The following NLGN1 variants were observed in gnomAD, a reference collection of about 807,000 sequenced individuals.
NLGN1 encodes neuroligin 1, also known as neuroligin-1.
Under a neutral mutation model 65.5 loss-of-function variants are expected in NLGN1, and 12 were observed. That is an observed-to-expected ratio of 0.18 (90% CI 0.12 to 0.30). The LOEUF (loss-of-function observed/expected upper bound fraction) is 0.30, where lower values mean the gene tolerates loss of function less well. Among genes scored for constraint, NLGN1 ranks in the 10% least tolerant of loss-of-function variants. The probability of loss-of-function intolerance (pLI) is 1.00; values close to 1 mark genes in which losing one functional copy is unlikely to be tolerated. For synonymous variants in NLGN1, 350 were observed against 359.5 expected, an observed-to-expected ratio of 0.97 and a Z score of 0.30; for missense variants, 750 against 1,007.1, an observed-to-expected ratio of 0.74 and a Z score of 3.46.
At chr3:173,725,496 A>G (rs182849323) in intron 3 of NLGN1, among the ~76,000 whole-genome samples, 39 of 152,326 alleles carry the variant, frequency 2.6e-4, no homozygotes, top group African/African-American at 8.7e-4. Flanking sequence ...GTTAGTTTGT[A>G]TTATTAAAGG....
At chr3:173,589,872 T>A (rs1748168602) in intron 2 of NLGN1, among the ~76,000 whole-genome samples, 1 of 152,266 alleles carries the variant, frequency 6.6e-6, no homozygotes, top group African/African-American at 2.4e-5. Flanking sequence ...GAATTGAAAA[T>A]TGTCATTGCT....
At chr3:174,208,156 A>T (rs370590873) in intron 4 of NLGN1, among the ~76,000 whole-genome samples, 1 of 152,164 alleles carries the variant, frequency 6.6e-6, no homozygotes, top group African/African-American at 2.4e-5. Context: ...TTCCAATTCT[A>T]TGCTTCCTGC....
chr3:174,219,402 A>G (rs1738226014), intron 4 of NLGN1, among the ~76,000 whole-genome samples: 1 of 152,138 alleles, frequency 6.6e-6, no homozygotes, highest in Non-Finnish European at 1.5e-5. Context: ...GTTGTTAGAC[A>G]GTATTCCTCA....
At chr3:174,027,588 A>G (rs976409548) in intron 4 of NLGN1, among the ~76,000 whole-genome samples, 3 of 152,152 alleles carry the variant, frequency 2.0e-5, no homozygotes, top group African/African-American at 7.2e-5. Flanking sequence ...TAATAATGAT[A>G]TATTATTATT....
At chr3:174,264,514 GC>G (rs1310902083) in intron 4 of NLGN1, among the ~76,000 whole-genome samples, 1 of 150,568 alleles carries the variant, frequency 6.6e-6, no homozygotes, top group Non-Finnish European at 1.5e-5. Context: ...TAGTTCTCAA[GC>G]CTTGGTTTTC....
intron 2 of NLGN1, among the ~76,000 whole-genome samples, chr3:173,602,506 G>A (rs995094393): frequency 2.6e-5 from 4 of 152,048 alleles, no homozygotes; most frequent in East Asian, 1.9e-4. Flanking sequence ...TGCAATTTGC[G>A]TTAAAGTAGC....
chr3:173,409,136 A>G (rs1711961962), intron 1 of NLGN1, among the ~76,000 whole-genome samples: 1 of 152,136 alleles, frequency 6.6e-6, no homozygotes, highest in South Asian at 2.1e-4. Flanking sequence ...GGGAGAACGA[A>G]GGTATAATCA....
intron 1 of NLGN1, among the ~76,000 whole-genome samples, chr3:173,427,208 T>C (rs1204493169): frequency 6.6e-6 from 1 of 152,038 alleles, no homozygotes; most frequent in Non-Finnish European, 1.5e-5. Context: ...GTCTTTGTTT[T>C]TCTTAATTAG....
At chr3:173,586,823 A>C (rs141272353) in intron 2 of NLGN1, among the ~76,000 whole-genome samples, 127 of 152,314 alleles carry the variant, frequency 8.3e-4, no homozygotes, top group South Asian at 1.2e-3. Context: ...TCACGTGCAG[A>C]CTGAGAGTAG....
intron 4 of NLGN1, among the ~76,000 whole-genome samples, chr3:174,181,936 C>A (rs1730500571): frequency 7.1e-6 from 1 of 140,060 alleles, no homozygotes; most frequent in African/African-American, 2.7e-5. Context: ...ATGACAGCAC[C>A]ACTGCACTCC....
intron 2 of NLGN1, among the ~76,000 whole-genome samples, chr3:173,578,708 C>A (rs537248144): frequency 2.9e-4 from 44 of 152,232 alleles, no homozygotes; most frequent in Middle Eastern, 3.4e-3. Context: ...CAATTTAACT[C>A]ATTCTATACT....
chr3:173,949,226 A>AT (rs1163466427), intron 4 of NLGN1, among the ~76,000 whole-genome samples: 2 of 152,056 alleles, frequency 1.3e-5, no homozygotes, highest in Non-Finnish European at 2.9e-5. Context: ...GTGTAAATAT[A>AT]TTTTTCTGAA....
chr3:173,575,523 A>G (rs1350822423), intron 2 of NLGN1, among the ~76,000 whole-genome samples: 2 of 152,172 alleles, frequency 1.3e-5, no homozygotes, highest in Non-Finnish European at 2.9e-5. Flanking sequence ...CAGTTCAAAC[A>G]CCATTCTTCC....
intron 2 of NLGN1, among the ~76,000 whole-genome samples, chr3:173,521,206 T>G (rs764576251): frequency 1.3e-5 from 2 of 152,204 alleles, no homozygotes; most frequent in Non-Finnish European, 2.9e-5. Flanking sequence ...TATAATATCC[T>G]CTAATTCACA....
At chr3:173,823,566 A>G (rs1162762758) in intron 4 of NLGN1, among the ~76,000 whole-genome samples, 1 of 152,098 alleles carries the variant, frequency 6.6e-6, no homozygotes, top group Non-Finnish European at 1.5e-5. Flanking sequence ...GTTGTGCATA[A>G]CAGAAAACAC....
intron 1 of NLGN1, among the ~76,000 whole-genome samples, chr3:173,401,774 G>A (rs966925074): frequency 2.6e-5 from 4 of 152,086 alleles, no homozygotes; most frequent in Admixed American, 6.6e-5. Flanking sequence ...CATAAAATTC[G>A]TCTAAATACT....
chr3:173,448,039 T>C (rs1720716113), intron 2 of NLGN1, among the ~76,000 whole-genome samples: 1 of 152,228 alleles, frequency 6.6e-6, no homozygotes, highest in African/African-American at 2.4e-5. Flanking sequence ...TTGTCCTAAT[T>C]GAATGCCCTT....
intron 2 of NLGN1, among the ~76,000 whole-genome samples, chr3:173,507,371 G>C (rs982213390): frequency 3.3e-5 from 5 of 152,076 alleles, no homozygotes; most frequent in African/African-American, 1.2e-4. Context: ...AAAAATGATA[G>C]CACAATTAGC....
Position 174,275,540 on chromosome 3 carries a change from G to A in NLGN1, c.859+13G>A. 6.2e-7 allele frequency: 1 copy of A among 1,605,708 alleles called. No homozygotes were observed. The highest frequency in any genetic ancestry group is 8.5e-7 in the Non-Finnish European group (1 of 1,173,918). ...AATTCAACCAAAGGTATTATGCAAG[G>A]TTGCAAATTTTGACAATTTTGGTGT... On this transcript the variant is annotated intron_variant, in intron 5 of 6. Coordinates refer to ENST00000457714, the Ensembl canonical transcript of NLGN1.
Sources: gnomAD v4.1 joint callset for allele counts (sites outside exome capture counted in the v4.1 genomes callset) on GRCh38, gnomAD v4.1.1 for gene constraint, MANE v1.5 for transcripts, NCBI Gene and HGNC (gene_info 2026-07-23, HGNC 2026-07-21) for gene names.